LRMDA: variants seen among roughly 807,000 people sequenced by gnomAD.
The protein encoded by LRMDA is leucine-rich melanocyte differentiation-associated protein.
A neutral mutation model predicts 29.8 loss-of-function variants in LRMDA; 18 were observed. The ratio of observed to expected loss-of-function variants is 0.60; its 90% CI spans 0.42 to 0.90. LRMDA has a LOEUF of 0.90. Among genes scored for constraint, LRMDA ranks in the 40% least tolerant of loss-of-function variants. The pLI, the probability that LRMDA is intolerant of heterozygous loss-of-function variation, is 0.00. For missense variants in LRMDA, 273 were observed against 273.9 expected, an observed-to-expected ratio of 1.00 and a Z score of 0.02; for synonymous variants, 125 against 109.4, an observed-to-expected ratio of 1.14 and a Z score of -0.89.
chr10:75,665,471 G>T (rs1250382565), intron 2 of LRMDA, among the ~76,000 whole-genome samples: 1 of 152,124 alleles, frequency 6.6e-6, no homozygotes, highest in Admixed American at 6.5e-5. Flanking sequence ...TGTAAGATAT[G>T]GTGGTTAAAA....
At chr10:75,988,965 GA>G (rs571986368) in intron 2 of LRMDA, among the ~76,000 whole-genome samples, 371 of 152,250 alleles carry the variant, frequency 2.4e-3, no homozygotes, top group African/African-American at 8.2e-3. Flanking sequence ...TCCCTGTTGA[GA>G]ATGACCCCTT....
At chr10:76,043,075 T>C (rs1238325766) in intron 3 of LRMDA, among the ~76,000 whole-genome samples, 1 of 152,070 alleles carries the variant, frequency 6.6e-6, no homozygotes, top group African/African-American at 2.4e-5. Flanking sequence ...TGAGCCGAGA[T>C]CACGCCATTG....
intron 5 of LRMDA, among the ~76,000 whole-genome samples, chr10:76,062,654 C>CTG (rs1369528064): frequency 0.033 from 4,472 of 136,192 alleles, 174 homozygotes; most frequent in African/African-American, 0.1. Flanking sequence ...GACTTTATCT[C>CTG]TCTGTGTGTG....
At chr10:75,875,629 A>G (rs1363452411) in intron 2 of LRMDA, among the ~76,000 whole-genome samples, 2 of 152,104 alleles carry the variant, frequency 1.3e-5, no homozygotes, top group African/African-American at 4.8e-5. Flanking sequence ...ACGGGGTTTC[A>G]CTATGTTGGT....
intron 2 of LRMDA, among the ~76,000 whole-genome samples, chr10:75,441,274 C>T (rs1844324136): frequency 6.6e-6 from 1 of 152,158 alleles, no homozygotes; most frequent in Admixed American, 6.5e-5. Flanking sequence ...CGTGGGATTG[C>T]AGGGAGCATG....
At chr10:76,007,029 TGTGC>T (rs1475815017) in intron 2 of LRMDA, among the ~76,000 whole-genome samples, 1,221 of 27,396 alleles carry the variant, frequency 0.045, 78 homozygotes, top group African/African-American at 0.098. Flanking sequence ...TGTGTGTGTG[TGTGC>T]GCGTGTGTGT....
intron 2 of LRMDA, among the ~76,000 whole-genome samples, chr10:76,018,289 G>A (rs975271352): frequency 5.3e-5 from 8 of 152,162 alleles, no homozygotes; most frequent in African/African-American, 1.9e-4. Flanking sequence ...ATCATCCCTG[G>A]CCTCTGTTCA....
At chr10:76,024,467 G>A (rs1045164018) in intron 2 of LRMDA, among the ~76,000 whole-genome samples, 14 of 152,308 alleles carry the variant, frequency 9.2e-5, no homozygotes, top group Middle Eastern at 3.4e-3. Flanking sequence ...AAATGGCTCC[G>A]GTAGCAAGCC....
chr10:76,330,090 G>A (rs1024861908), intron 6 of LRMDA, among the ~76,000 whole-genome samples: 4 of 152,192 alleles, frequency 2.6e-5, no homozygotes, highest in African/African-American at 9.6e-5. Flanking sequence ...TCAAAAGGAA[G>A]TTACTTGATG....
chr10:76,226,870 T>C (rs572687747), intron 5 of LRMDA, among the ~76,000 whole-genome samples: 340 of 152,316 alleles, frequency 2.2e-3, no homozygotes, highest in Non-Finnish European at 3.7e-3. Flanking sequence ...TAAATCTCTT[T>C]TCTTTATAAA....
chr10:75,771,293 T>TA (rs201388274), intron 2 of LRMDA, among the ~76,000 whole-genome samples: 7 of 152,194 alleles, frequency 4.6e-5, no homozygotes, highest in South Asian at 4.1e-4. Context: ...TTTTTTTTTT[T>TA]ATCTAGTCAT....
chr10:76,132,966 C>CT (rs35997711), intron 5 of LRMDA, among the ~76,000 whole-genome samples: 1,008 of 57,374 alleles, frequency 0.018, 82 homozygotes, highest in Non-Finnish European at 0.019. Context: ...CCACGCCCGG[C>CT]TTTTTTTTTT....
chr10:75,644,447 G>T (rs1264271898), intron 2 of LRMDA, among the ~76,000 whole-genome samples: 1 of 152,158 alleles, frequency 6.6e-6, no homozygotes, highest in African/African-American at 2.4e-5. Context: ...TTGTAAAAAT[G>T]AATCATAGCA....
chr10:75,641,934 TG>T (rs1222498964), intron 2 of LRMDA, among the ~76,000 whole-genome samples: 3 of 152,214 alleles, frequency 2.0e-5, no homozygotes. Context: ...AGTTTAATTT[TG>T]GATCTGGAAA....
intron 6 of LRMDA, among the ~76,000 whole-genome samples, chr10:76,423,809 A>G (rs1842094625): frequency 6.6e-6 from 1 of 152,148 alleles, no homozygotes; most frequent in Admixed American, 6.5e-5. Flanking sequence ...TAATCAACCG[A>G]GGAGGTGTTT....
intron 2 of LRMDA, among the ~76,000 whole-genome samples, chr10:75,707,847 G>A (rs1043925821): frequency 2.0e-5 from 3 of 152,064 alleles, no homozygotes; most frequent in Admixed American, 6.5e-5. Flanking sequence ...ACGGGGACTG[G>A]GGCTTTTTTG....
intron 5 of LRMDA, among the ~76,000 whole-genome samples, chr10:76,298,251 C>T (rs1840436945): frequency 6.6e-6 from 1 of 152,174 alleles, no homozygotes; most frequent in Non-Finnish European, 1.5e-5. Flanking sequence ...ATCTCTGCCT[C>T]CCACCCCCAA....
chr10:76,550,492 C>T (rs1347807050), intron 6 of LRMDA, among the ~76,000 whole-genome samples: 7 of 148,432 alleles, frequency 4.7e-5, no homozygotes, highest in East Asian at 4.0e-4. Flanking sequence ...CCCCCACCCC[C>T]GGCCCCCATG....
At chr10:76,147,999 G>A (rs780793627) in intron 5 of LRMDA, among the ~76,000 whole-genome samples, 12 of 152,158 alleles carry the variant, frequency 7.9e-5, no homozygotes, top group Non-Finnish European at 8.8e-5. Context: ...GCAGAACAGC[G>A]GATATTGGTG....
Sources: allele counts gnomAD v4.1 joint callset (sites outside exome capture counted in the v4.1 genomes callset), GRCh38; gene constraint gnomAD v4.1.1; transcripts MANE v1.5; gene names NCBI Gene and HGNC (gene_info 2026-07-23, HGNC 2026-07-21).